The following RIPOR2 variants were observed in gnomAD, a reference collection of about 807,000 sequenced individuals.
The protein encoded by RIPOR2 is RHO family interacting cell polarization regulator 2.
A neutral mutation model predicts 114.5 loss-of-function variants in RIPOR2; 39 were observed. That is an observed-to-expected ratio of 0.34 (90% CI 0.26 to 0.44). RIPOR2 has a LOEUF of 0.44. Among genes scored for constraint, RIPOR2 ranks in the 20% least tolerant of loss-of-function variants. RIPOR2 has a pLI of 1.00. For missense variants in RIPOR2, 1,007 were observed against 1,255.1 expected, an observed-to-expected ratio of 0.80 and a Z score of 2.99; for synonymous variants, 445 against 484.4, an observed-to-expected ratio of 0.92 and a Z score of 1.07.
chr6:24,852,561 A>G lies in RIPOR2; in HGVS notation c.759+14T>C. On this transcript the variant is annotated intron_variant, in intron 9 of 21. Transcript: ENST00000643898. ...GGTCCATAATTCCAGCACCTAGACC[A>G]AGACAATACTTACTTCATATTGATC... 6.2e-7 allele frequency: 1 copy of G among 1,608,450 alleles called. No homozygotes were observed. Among genetic ancestry groups the G allele is most frequent in the Non-Finnish European group, 8.5e-7 (1 of 1,175,862 alleles).
intron 1 of RIPOR2, among the ~76,000 whole-genome samples, chr6:25,027,979 T>C (rs9358826): frequency 0.26 from 39,487 of 151,964 alleles, 6,383 homozygotes; most frequent in East Asian, 0.59. Context: ...TGGCTGCCTA[T>C]GACCCCTAAC....
chr6:25,006,505 C>T (rs1201679047), intron 1 of RIPOR2, among the ~76,000 whole-genome samples: 1 of 152,238 alleles, frequency 6.6e-6, no homozygotes, highest in East Asian at 1.9e-4. Flanking sequence ...CCACAAATTC[C>T]AATCTCCCTC....
chr6:24,932,317 TG>T lies in RIPOR2; in HGVS notation c.61+3520del, dbSNP rs1771460410. 3.0e-4 allele frequency among the ~76,000 whole-genome samples: 5 copies of T among 16,792 alleles called. No individual in the cohort carries two copies. In the East Asian group the frequency reaches 8.3e-3, roughly 28 times the overall value. 11.0% of individuals were successfully genotyped at this position (16,792 alleles called of 152,430 possible). The stretch of plus-strand genomic sequence containing the variant: ...TGTTAGGAAAGCAAACTTAAGACTG[TG>T]TGTGTGTGTGTGTGTGTGTGTGTGT... On this transcript the variant is annotated intron_variant, in intron 1 of 21. Coordinates refer to ENST00000643898, the MANE Select transcript of RIPOR2 (RefSeq NM_001286445.3).
chr6:24,922,159 A>C (rs1238703078), intron 1 of RIPOR2, among the ~76,000 whole-genome samples: 1 of 152,178 alleles, frequency 6.6e-6, no homozygotes, highest in Non-Finnish European at 1.5e-5. Flanking sequence ...AATAATAAAA[A>C]AAACCTTATT....
chr6:25,032,213 A>T (rs2113758865), intron 1 of RIPOR2, among the ~76,000 whole-genome samples: 1 of 151,980 alleles, frequency 6.6e-6, no homozygotes, highest in Middle Eastern at 3.4e-3. Context: ...CTTGCTTGAA[A>T]ATTGAAGGAT....
At chr6:24,909,222 T>C (rs896559069) in intron 1 of RIPOR2, among the ~76,000 whole-genome samples, 4 of 152,024 alleles carry the variant, frequency 2.6e-5, no homozygotes, top group African/African-American at 9.7e-5. Flanking sequence ...GGGCTTCAGA[T>C]AGGGGAGTTC....
In RIPOR2 at chr6:24,806,463, C is replaced by T. The variant is rs1780777825; in HGVS notation, c.3054G>A (p.Gly1018=). ...SETLLSLGED[G]RLAYEQLDKF... is the part of the protein sequence containing the mutation. ...TGTCCAATTGTTCATATGCCAGCCGCCCATCTTCTCCTAAATACAGAACAT... is the reference window on the plus strand; with the variant it reads ...TGTCCAATTGTTCATATGCCAGCCGTCCATCTTCTCCTAAATACAGAACAT... Residue 1018 remains glycine (G), a synonymous_variant, in exon 22 of 22, where the codon GGG becomes GGA. Coordinates refer to ENST00000643898, the MANE Select transcript of RIPOR2 (RefSeq NM_001286445.3). 6.4e-7 allele frequency: 1 copy of T among 1,550,466 alleles called. No homozygotes were observed. Among genetic ancestry groups the T allele is most frequent in the Non-Finnish European group, 8.7e-7 (1 of 1,146,016 alleles).
intron 1 of RIPOR2, among the ~76,000 whole-genome samples, chr6:24,977,872 C>T (rs1774135727): frequency 6.6e-6 from 1 of 152,144 alleles, no homozygotes; most frequent in Non-Finnish European, 1.5e-5. Flanking sequence ...TCATCTAAAG[C>T]TGTGATATCA....
Position 24,835,967 on chromosome 6 carries a change from T to C in RIPOR2, c.2040-96A>G, listed in dbSNP as rs1761075911. On this transcript the variant is annotated intron_variant, in intron 14 of 21. Coordinates refer to ENST00000643898, the MANE Select transcript of RIPOR2 (RefSeq NM_001286445.3). The stretch of plus-strand genomic sequence containing the variant: ...TGCATCGGGCCCCAACAGCACCCAC[T>C]GAAAACAGTCTTTCACTTGCCTATC... 10 of 1,134,678 alleles carry C rather than the reference T, an allele frequency of 8.8e-6. No individual in the cohort carries two copies. In the South Asian group the frequency reaches 1.0e-4, roughly 12 times the overall value. The allele number at this position is 1,134,678 out of a possible 1,614,324, so 70.3% of individuals were successfully genotyped here.
rs1229720720 is a variant in RIPOR2 at position 24,847,668 on chromosome 6, G to C, written c.1164+357C>G. On this transcript the variant is annotated intron_variant, in intron 12 of 21. Coordinates refer to ENST00000643898, the MANE Select transcript of RIPOR2 (RefSeq NM_001286445.3). The stretch of plus-strand genomic sequence containing the variant: ...TCAAGACAGACAGCCGCCTGGGCTT[G>C]TCTGGGGAAGGATGCAGCCACCTCT... 3 of 1,551,554 alleles carry C rather than the reference G, an allele frequency of 1.9e-6. No individual in the cohort carries two copies. The South Asian group carries it at 3.6e-5, about 18-fold the overall frequency.
At chr6:24,992,319 T>C (rs747684511) in intron 1 of RIPOR2, among the ~76,000 whole-genome samples, 8 of 152,110 alleles carry the variant, frequency 5.3e-5, no homozygotes, top group Non-Finnish European at 1.2e-4. Flanking sequence ...TCACTTTGCA[T>C]GGTTCCAATA....
intron 1 of RIPOR2, chr6:24,976,662 G>A: frequency 6.2e-7 from 1 of 1,608,810 alleles, no homozygotes; most frequent in Non-Finnish European, 8.5e-7. Flanking sequence ...TTATTCCAGG[G>A]TTTATGTGTC....
chr6:24,880,931 G>A (rs1766284142), intron 1 of RIPOR2, among the ~76,000 whole-genome samples: 1 of 152,116 alleles, frequency 6.6e-6, no homozygotes, highest in African/African-American at 2.4e-5. Context: ...TATCTATTAA[G>A]CAAGAAATCC....
intron 1 of RIPOR2, among the ~76,000 whole-genome samples, chr6:24,978,821 A>C (rs1774180355): frequency 6.6e-6 from 1 of 152,228 alleles, no homozygotes; most frequent in Admixed American, 6.5e-5. Flanking sequence ...TAGATGAAAC[A>C]TGTAAATTCT....
chr6:24,942,883 A>G (rs1451430180), intron 1 of RIPOR2, among the ~76,000 whole-genome samples: 1 of 152,124 alleles, frequency 6.6e-6, no homozygotes, highest in African/African-American at 2.4e-5. Flanking sequence ...CTCTGATGGT[A>G]GTTTCTTTTG....
chr6:24,889,950 G>A (rs1338901951), intron 1 of RIPOR2, among the ~76,000 whole-genome samples: 7 of 152,010 alleles, frequency 4.6e-5, no homozygotes, highest in African/African-American at 1.7e-4. Flanking sequence ...GGAGTGCAAT[G>A]GTGTGATCTT....
At chr6:24,982,026 T>C (rs970668470) in intron 1 of RIPOR2, among the ~76,000 whole-genome samples, 1 of 152,216 alleles carries the variant, frequency 6.6e-6, no homozygotes, top group South Asian at 2.1e-4. Flanking sequence ...TTATGAGGAA[T>C]GGACTGATGA....
intron 19 of RIPOR2, among the ~76,000 whole-genome samples, chr6:24,820,661 T>C (rs1759605849): frequency 6.6e-6 from 1 of 152,170 alleles, no homozygotes. Flanking sequence ...TGGCATAGTA[T>C]CTTCAAGGCT....
intron 1 of RIPOR2, among the ~76,000 whole-genome samples, chr6:24,994,875 A>G (rs765265801): frequency 2.6e-5 from 4 of 152,068 alleles, no homozygotes; most frequent in Non-Finnish European, 4.4e-5. Flanking sequence ...CTCTCTTCCC[A>G]TTTCTTGGAT....
Sources: gnomAD v4.1 joint callset for allele counts (sites outside exome capture counted in the v4.1 genomes callset) on GRCh38, gnomAD v4.1.1 for gene constraint, MANE v1.5 for transcripts, NCBI Gene and HGNC (gene_info 2026-07-23, HGNC 2026-07-21) for gene names.